PDE1C: variants seen among roughly 807,000 people sequenced by gnomAD.
PDE1C encodes phosphodiesterase 1C, also known as dual specificity calcium/calmodulin-dependent 3',5'-cyclic nucleotide phosphodiesterase 1C.
A neutral mutation model predicts 93.1 loss-of-function variants in PDE1C; 62 were observed. That is an observed-to-expected ratio of 0.67 (90% CI 0.54 to 0.82). PDE1C has a LOEUF of 0.82. Ranked by LOEUF, PDE1C falls within the 40% of genes least tolerant of loss-of-function variation. The pLI, the probability that PDE1C is intolerant of heterozygous loss-of-function variation, is 0.00. For missense variants in PDE1C, 742 were observed against 884.6 expected (o/e 0.84, Z 2.04); for synonymous variants, 325 against 310.1 (o/e 1.05, Z -0.50).
intron 1 of PDE1C, among the ~76,000 whole-genome samples, chr7:32,426,009 A>G (rs1312830564): frequency 1.3e-5 from 2 of 152,170 alleles, no homozygotes; most frequent in East Asian, 3.8e-4. Flanking sequence ...TCATGGTTAC[A>G]TATGTTTGTA....
intron 2 of PDE1C, among the ~76,000 whole-genome samples, chr7:32,016,936 T>C (rs182625577): frequency 2.0e-5 from 3 of 152,306 alleles, no homozygotes; most frequent in Admixed American, 1.3e-4. Context: ...AGAGATTCTA[T>C]AGTCAGGTTG....
chr7:31,654,127 T>C, the PDE1C span, among the ~76,000 whole-genome samples: 1 of 150,568 alleles, frequency 6.6e-6, no homozygotes, highest in Non-Finnish European at 1.5e-5. Context: ...AGTGTGATAA[T>C]GTTGCAAAGG....
intron 16 of PDE1C, among the ~76,000 whole-genome samples, chr7:31,798,618 A>AATC (rs1785602289): frequency 6.6e-6 from 1 of 151,790 alleles, no homozygotes; most frequent in East Asian, 1.9e-4. Flanking sequence ...TTTGGTCAAA[A>AATC]ATCATATCAA....
At chr7:32,379,750 A>T (rs988437809) in intron 1 of PDE1C, among the ~76,000 whole-genome samples, 1 of 152,352 alleles carries the variant, frequency 6.6e-6, no homozygotes, top group African/African-American at 2.4e-5. Context: ...GGTTTCTGAT[A>T]ATAAGTTCAT....
intron 2 of PDE1C, among the ~76,000 whole-genome samples, chr7:31,881,773 G>C (rs1797277940): frequency 6.6e-6 from 1 of 152,144 alleles, no homozygotes; most frequent in African/African-American, 2.4e-5. Context: ...GAAGAGCAAA[G>C]TATGAAATTT....
At chr7:31,700,486 T>C in the PDE1C span, among the ~76,000 whole-genome samples, 2 of 152,304 alleles carry the variant, frequency 1.3e-5, no homozygotes, top group Admixed American at 1.3e-4. Flanking sequence ...CCCATAAAAG[T>C]GCAAAGTGAA....
At chr7:32,038,806 G>C (rs780856915) in intron 2 of PDE1C, among the ~76,000 whole-genome samples, 1 of 152,044 alleles carries the variant, frequency 6.6e-6, no homozygotes, top group Non-Finnish European at 1.5e-5. Context: ...ATTCATCTTC[G>C]ACACAAGAGA....
rs919732477 is a variant in PDE1C at position 32,416,404 on chromosome 7, A to G, written c.310+11418T>C. Among the ~76,000 whole-genome samples, 11 of 152,282 alleles carry G rather than the reference A, an allele frequency of 7.2e-5. 2 individuals carry two copies. The highest frequency in any genetic ancestry group is 1.9e-4 in the East Asian group (1 of 5,172). ...TCCCTGTTCCTCCAGGAGACTCACAATGTAAGCTTGGAGGGGTTTCACCAA... is the reference window on the plus strand; with the variant it reads ...TCCCTGTTCCTCCAGGAGACTCACAGTGTAAGCTTGGAGGGGTTTCACCAA... On this transcript the variant is annotated intron_variant, in intron 1 of 1. Coordinates refer to the PDE1C transcript ENST00000672256.
the PDE1C span, among the ~76,000 whole-genome samples, chr7:31,660,220 C>T: frequency 6.6e-6 from 1 of 152,080 alleles, no homozygotes; most frequent in Non-Finnish European, 1.5e-5. Flanking sequence ...TATTAGCAGC[C>T]TGAGAACGGA....
intron 1 of PDE1C, among the ~76,000 whole-genome samples, chr7:32,268,826 C>G (rs1444921093): frequency 6.6e-6 from 1 of 152,192 alleles, no homozygotes; most frequent in Non-Finnish European, 1.5e-5. Flanking sequence ...CCCTTTTCTT[C>G]CTGGGTCCTC....
chr7:32,298,904 C>T, exon 1 of PDE1C: 1 of 1,362,768 alleles, frequency 7.3e-7, no homozygotes, highest in South Asian at 1.8e-5. Context: ...GAGACAACAG[C>T]GGGGACCCAA....
At chr7:32,056,355 T>A (rs1314635811) in intron 1 of PDE1C, among the ~76,000 whole-genome samples, 1 of 134,486 alleles carries the variant, frequency 7.4e-6, no homozygotes, top group African/African-American at 2.9e-5. Context: ...TCTCTCTCTC[T>A]CTCTCTCACT....
At chr7:31,912,491 G>C (rs776174200) in intron 2 of PDE1C, among the ~76,000 whole-genome samples, 25 of 152,058 alleles carry the variant, frequency 1.6e-4, no homozygotes, top group Non-Finnish European at 3.1e-4. Context: ...TTTGAGATCA[G>C]CCTGGACACC....
At chr7:32,308,244 T>C (rs1485806314) in intron 1 of PDE1C, among the ~76,000 whole-genome samples, 1 of 152,240 alleles carries the variant, frequency 6.6e-6, no homozygotes, top group Non-Finnish European at 1.5e-5. Flanking sequence ...AAGCTCAAAC[T>C]GGGTGGAGCC....
At chr7:32,157,462 T>C (rs1801645863) in intron 3 of PDE1C, among the ~76,000 whole-genome samples, 1 of 152,082 alleles carries the variant, frequency 6.6e-6, no homozygotes, top group Admixed American at 6.6e-5. Flanking sequence ...TACAACTATG[T>C]CAATAAAATA....
chr7:31,745,619 A>T, the PDE1C span, among the ~76,000 whole-genome samples: 2 of 152,208 alleles, frequency 1.3e-5, no homozygotes, highest in Non-Finnish European at 2.9e-5. Flanking sequence ...CTAGGAGAAC[A>T]ACTAAGATTT....
chr7:32,060,619 T>A (rs961370791), intron 1 of PDE1C, among the ~76,000 whole-genome samples: 2 of 152,194 alleles, frequency 1.3e-5, no homozygotes, highest in African/African-American at 4.8e-5. Flanking sequence ...TGAAATCAGA[T>A]GAGCATTGGA....
intron 1 of PDE1C, among the ~76,000 whole-genome samples, chr7:32,362,212 G>C (rs755856609): frequency 6.6e-6 from 1 of 152,168 alleles, no homozygotes; most frequent in Non-Finnish European, 1.5e-5. Context: ...ATGCCTCAGA[G>C]GCGTGTGTGC....
intron 2 of PDE1C, among the ~76,000 whole-genome samples, chr7:32,173,914 T>C (rs1249894523): frequency 1.3e-5 from 2 of 152,172 alleles, no homozygotes; most frequent in Admixed American, 1.3e-4. Context: ...GCTCTTTCAA[T>C]GCCCGTGCCA....
Sources: allele counts gnomAD v4.1 joint callset (sites outside exome capture counted in the v4.1 genomes callset), GRCh38; gene constraint gnomAD v4.1.1; transcripts MANE v1.5; gene names NCBI Gene and HGNC (gene_info 2026-07-23, HGNC 2026-07-21).